The following USP6NL variants were observed in gnomAD, a reference collection of about 807,000 sequenced individuals.
The protein encoded by USP6NL is USP6 N-terminal like.
Under a neutral mutation model 61.9 loss-of-function variants are expected in USP6NL, and 26 were observed. That is an observed-to-expected ratio of 0.42 (90% CI 0.31 to 0.58). The LOEUF (loss-of-function observed/expected upper bound fraction) is 0.58. USP6NL is among the 20% of genes least tolerant of loss of function. The pLI is 0.16. For missense variants in USP6NL, 1,114 were observed against 1,034.3 expected (o/e 1.08, Z -1.06); for synonymous variants, 432 against 390.1 (o/e 1.11, Z -1.27).
At chr10:11,545,633 A>G (rs1228897996) in intron 2 of USP6NL, among the ~76,000 whole-genome samples, 2 of 152,240 alleles carry the variant, frequency 1.3e-5, no homozygotes, top group African/African-American at 4.8e-5. Context: ...TATCTTGAAA[A>G]TATAAATACA....
At chr10:11,516,715 C>G (rs563553968) in intron 5 of USP6NL, among the ~76,000 whole-genome samples, 1 of 152,274 alleles carries the variant, frequency 6.6e-6, no homozygotes, top group East Asian at 1.9e-4. Context: ...AAAGTTATAT[C>G]TTATTTTAAA....
rs1035832908 is a variant in USP6NL at position 11,463,962 on chromosome 10, ACATACAACACACTGT to A, written c.1079-128_1079-114del. On this transcript the variant is annotated intron_variant, in intron 14 of 14. Coordinates refer to ENST00000609104, the MANE Select transcript of USP6NL (RefSeq NM_014688.5). The surrounding 1 kb of genome is among the most constrained non-coding windows in gnomAD (Gnocchi z 6.3). The stretch of plus-strand genomic sequence containing the variant: ...TTCATCTGTGCACAGATACACGCTG[ACATACAACACACTGT>A]CATACAACACACTGTTTATACCACT... The A allele has an allele frequency of 1.1e-5, 11 of 962,676 alleles. No homozygotes were observed. Among genetic ancestry groups the A allele is most frequent in the Admixed American group, 9.0e-5 (3 of 33,260 alleles). 59.6% of individuals were successfully genotyped at this position (962,676 alleles called of 1,614,324 possible). A position where few individuals can be genotyped will look rare whatever the true frequency, so the allele number is the denominator to read the frequency against.
At chr10:11,505,436 G>A (rs1834390833) in intron 6 of USP6NL, among the ~76,000 whole-genome samples, 1 of 152,108 alleles carries the variant, frequency 6.6e-6, no homozygotes, top group Non-Finnish European at 1.5e-5. Flanking sequence ...GAAAGGTTAG[G>A]TAACTAGCTC....
At chr10:11,545,722 A>AT (rs1289856846) in intron 2 of USP6NL, among the ~76,000 whole-genome samples, 1 of 152,162 alleles carries the variant, frequency 6.6e-6, no homozygotes, top group Non-Finnish European at 1.5e-5. Flanking sequence ...ACCAGATGAG[A>AT]TTTTTTTATT....
At chr10:11,586,364 A>G (rs1837963416) in intron 2 of USP6NL, among the ~76,000 whole-genome samples, 1 of 151,532 alleles carries the variant, frequency 6.6e-6, no homozygotes, top group South Asian at 2.1e-4. Context: ...ATCTTAAATG[A>G]CCAAAAAAAA....
chr10:11,525,266 C>A lies in USP6NL; in HGVS notation c.155+120G>T. The stretch of plus-strand genomic sequence containing the variant: ...AACCTAGGAATTTAGTATCAAAACG[C>A]ATATTGTAAGACTATTCCTTATTCA... On this transcript the variant is annotated intron_variant, in intron 4 of 14. Coordinates refer to ENST00000609104, the MANE Select transcript of USP6NL (RefSeq NM_014688.5). The surrounding 1 kb of genome is among the most constrained non-coding windows in gnomAD (Gnocchi z 5.0). 1 of 698,826 alleles carries A rather than the reference C, an allele frequency of 1.4e-6. No homozygotes were observed. The highest frequency in any genetic ancestry group is 2.5e-5 in the South Asian group (1 of 40,596). The allele number at this position is 698,826 out of a possible 1,614,324, so 43.3% of individuals were successfully genotyped here.
intron 2 of USP6NL, among the ~76,000 whole-genome samples, chr10:11,568,467 G>A (rs931704971): frequency 2.0e-5 from 3 of 152,062 alleles, no homozygotes. Flanking sequence ...GGCCATATCC[G>A]TGTTTCACCT....
chr10:11,556,114 T>C (rs1566178671), intron 2 of USP6NL, among the ~76,000 whole-genome samples: 2 of 152,138 alleles, frequency 1.3e-5, no homozygotes, highest in African/African-American at 2.4e-5. Context: ...GGGTTTACTA[T>C]CTATATACAA....
chr10:11,563,433 T>C (rs1333439443), intron 2 of USP6NL: 4 of 151,882 alleles, frequency 2.6e-5, no homozygotes, highest in Non-Finnish European at 5.9e-5. Context: ...TACACACAAA[T>C]GTCACACATA....
In USP6NL at chr10:11,561,282, T is replaced by C. The variant is rs1836920977; in HGVS notation, c.5-33715A>G. ...CAATACAGAAATGCATTAAGAAAAGTGAACTCTCTTCCTCTACACCCCTTC... is the reference window on the plus strand; with the variant it reads ...CAATACAGAAATGCATTAAGAAAAGCGAACTCTCTTCCTCTACACCCCTTC... On this transcript the variant is annotated intron_variant, in intron 2 of 14. Coordinates refer to ENST00000609104, the MANE Select transcript of USP6NL (RefSeq NM_014688.5). The surrounding 1 kb of genome is among the most constrained non-coding windows in gnomAD (Gnocchi z 4.1). Among the ~76,000 whole-genome samples, 1 of 152,164 alleles carries C rather than the reference T, an allele frequency of 6.6e-6. No homozygotes were observed. The highest frequency in any genetic ancestry group is 1.5e-5 in the Non-Finnish European group (1 of 68,008).
At chr10:11,469,844 C>T (rs555110291) in intron 14 of USP6NL, among the ~76,000 whole-genome samples, 8 of 152,300 alleles carry the variant, frequency 5.3e-5, no homozygotes, top group Admixed American at 5.2e-4. Context: ...AGGGAGCAGG[C>T]TAAATACTAA....
At chr10:11,610,898 C>G (rs1349360590) in intron 1 of USP6NL, among the ~76,000 whole-genome samples, 1 of 152,132 alleles carries the variant, frequency 6.6e-6, no homozygotes, top group Non-Finnish European at 1.5e-5. Context: ...ATTACAAATG[C>G]CGCACCAGCC....
At position 11,587,130 on chromosome 10, in the gene USP6NL, C is replaced by G. The variant is rs1837999434; in HGVS notation, c.4+10501G>C. Among the ~76,000 whole-genome samples, 2 of 152,142 alleles carry G rather than the reference C, an allele frequency of 1.3e-5. No individual in the cohort carries two copies. Among genetic ancestry groups the G allele is most frequent in the African/African-American group, 4.8e-5 (2 of 41,426 alleles). On this transcript the variant is annotated intron_variant, in intron 2 of 14. Coordinates refer to ENST00000609104, the MANE Select transcript of USP6NL (RefSeq NM_014688.5). The surrounding 1 kb of genome is among the most constrained non-coding windows in gnomAD (Gnocchi z 4.5). ...GGCCAAGGGTCATGTCTGTCTTGTTCTTGGCTGTATCATCTAAGACCACCA... is the reference window on the plus strand; with the variant it reads ...GGCCAAGGGTCATGTCTGTCTTGTTGTTGGCTGTATCATCTAAGACCACCA...
intron 6 of USP6NL, among the ~76,000 whole-genome samples, chr10:11,508,505 G>A (rs764407447): frequency 3.3e-5 from 5 of 152,218 alleles, no homozygotes; most frequent in African/African-American, 7.2e-5. Context: ...AGCTATGGTG[G>A]TAAAACTACC....
chr10:11,522,473 T>C (rs551612445), intron 4 of USP6NL, among the ~76,000 whole-genome samples: 56 of 152,338 alleles, frequency 3.7e-4, no homozygotes, highest in Admixed American at 2.1e-3. Flanking sequence ...CTAGTAACAA[T>C]GTCTGGAGAA....
rs1289004849 is a variant in USP6NL at position 11,532,454 on chromosome 10, A to G, written c.5-4887T>C. On this transcript the variant is annotated intron_variant, in intron 2 of 14. Transcript: ENST00000609104. This position sits in a 1 kb window ranked among gnomAD's most constrained non-coding sequence, Gnocchi z 4.1. ...GAAAAAAACCTTGCTGTGGTTACACAGACTATATATTTTCAAACAAAGCTG... is the reference window on the plus strand; with the variant it reads ...GAAAAAAACCTTGCTGTGGTTACACGGACTATATATTTTCAAACAAAGCTG... 6.6e-6 allele frequency among the ~76,000 whole-genome samples: 1 copy of G among 152,246 alleles called. No homozygotes were observed. Among genetic ancestry groups the G allele is most frequent in the Non-Finnish European group, 1.5e-5 (1 of 68,046 alleles).
chr10:11,538,950 C>A (rs747712440), intron 2 of USP6NL, among the ~76,000 whole-genome samples: 1 of 152,204 alleles, frequency 6.6e-6, no homozygotes, highest in East Asian at 1.9e-4. Flanking sequence ...GGCTCCCTTT[C>A]GTTGTGGAAA....
At chr10:11,558,416 A>T (rs1231191318) in intron 2 of USP6NL, among the ~76,000 whole-genome samples, 2 of 152,140 alleles carry the variant, frequency 1.3e-5, no homozygotes, top group Non-Finnish European at 2.9e-5. Flanking sequence ...CATTCCCAAA[A>T]TGGTGAATGC....
At position 11,561,578 on chromosome 10, in the gene USP6NL, T is replaced by C. The variant is rs1197233701; in HGVS notation, c.5-34011A>G. Among the ~76,000 whole-genome samples the C allele has an allele frequency of 2.6e-5, 4 of 152,228 alleles. No individual in the cohort carries two copies. The highest frequency in any genetic ancestry group is 6.5e-5 in the Admixed American group (1 of 15,276). ...ATTAAGCTTACTCTTCTTAATACTA[T>C]TGTACTTCACTATATGGATTTGCCA... On this transcript the variant is annotated intron_variant, in intron 2 of 14. Coordinates refer to ENST00000609104, the MANE Select transcript of USP6NL (RefSeq NM_014688.5). The surrounding 1 kb of genome is among the most constrained non-coding windows in gnomAD (Gnocchi z 4.1).
Sources: gnomAD v4.1 joint callset for allele counts (sites outside exome capture counted in the v4.1 genomes callset) on GRCh38, gnomAD v4.1.1 for gene constraint, Gnocchi (gnomAD v3.1) non-coding constraint, MANE v1.5 for transcripts, NCBI Gene and HGNC (gene_info 2026-07-23, HGNC 2026-07-21) for gene names.